Variants in CSNK1E observed in about 807,000 individuals in gnomAD.
CSNK1E encodes the protein casein kinase I isoform epsilon.
In CSNK1E, 17 loss-of-function variants were observed where a neutral mutation model predicts 46.1. That is an observed-to-expected ratio of 0.37 (90% CI 0.25 to 0.55). The LOEUF (loss-of-function observed/expected upper bound fraction) is 0.55. Ranked by LOEUF, CSNK1E falls within the 20% of genes least tolerant of loss-of-function variation. CSNK1E has a pLI of 0.82. For missense variants in CSNK1E, 386 were observed against 595.4 expected (o/e 0.65, Z 3.66); for synonymous variants, 241 against 242.6 (o/e 0.99, Z 0.06).
intron 10 of CSNK1E, chr22:38,292,998 G>T (rs2092619411): frequency 1.9e-6 from 1 of 521,726 alleles, no homozygotes; most frequent in Non-Finnish European, 3.4e-6. Context: ...ATAGAGACCT[G>T]GCCGAGGGCA....
Position 38,300,998 on chromosome 22 carries a change from A to C in CSNK1E, c.337-46T>G, listed in dbSNP as rs749642148. 6.5e-7 allele frequency: 1 copy of C among 1,536,842 alleles called. No homozygotes were observed. The highest frequency in any genetic ancestry group is 9.0e-7 in the Non-Finnish European group (1 of 1,111,140). ...TTGTTCAACAGAGGGGCCCTTGCCT[A>C]GCACTCTGGGCCAGGCAGGGGCTGG... On this transcript the variant is annotated intron_variant, in intron 4 of 10. Transcript: ENST00000396832. This position sits in a 1 kb window ranked among gnomAD's most constrained non-coding sequence, Gnocchi z 4.4.
chr22:38,303,220 G>A lies in CSNK1E; in HGVS notation c.105C>T (p.Val35=), dbSNP rs776652748. 3.3e-5 allele frequency: 53 copies of A among 1,608,044 alleles called. No individual in the cohort carries two copies. Among genetic ancestry groups the A allele is most frequent in the East Asian group, 1.3e-4 (6 of 44,850 alleles). The stretch of plus-strand genomic sequence containing the variant: ...TCTTCACACACTCCAGCTTGATGGC[G>A]ACTTCCTCACCAGAGGCGATGTTGG... ...LGANIASGEE[V]AIKLECVKTK... Residue 35 remains valine, a synonymous_variant, in exon 3 of 11, where the codon GTC becomes GTT. Coordinates refer to ENST00000396832, the MANE Select transcript of CSNK1E (RefSeq NM_152221.3). This position sits in a 1 kb window ranked among gnomAD's most constrained non-coding sequence, Gnocchi z 4.7.
At chr22:38,295,348 G>C in intron 7 of CSNK1E, 1 of 897,774 alleles carries the variant, frequency 1.1e-6, no homozygotes, top group Non-Finnish European at 1.3e-6. Flanking sequence ...GAAGGGGCCA[G>C]AGAAGAGCAT....
At position 38,298,515 on chromosome 22, in the gene CSNK1E, G is replaced by A. The variant is rs959904727; in HGVS notation, c.885+271C>T. ...GCCAGCACCACCCATGCCCTGCTGC[G>A]GGCACCCAGGAGGGACCCCAGGTGA... On this transcript the variant is annotated intron_variant, in intron 7 of 10. Coordinates refer to ENST00000396832, the MANE Select transcript of CSNK1E (RefSeq NM_152221.3). The surrounding 1 kb of genome is among the most constrained non-coding windows in gnomAD (Gnocchi z 4.2). The A allele has an allele frequency of 2.0e-5, 9 of 458,830 alleles. No individual in the cohort carries two copies. Among genetic ancestry groups the A allele is most frequent in the Non-Finnish European group, 2.4e-5 (6 of 248,548 alleles). 28.4% of individuals were successfully genotyped at this position (458,830 alleles called of 1,614,324 possible). A position where few individuals can be genotyped will look rare whatever the true frequency, so the allele number is the denominator to read the frequency against.
rs2092711128 is a variant in CSNK1E at position 38,309,263 on chromosome 22, A to G, written c.76+4819T>C. On this transcript the variant is annotated intron_variant, in intron 2 of 10. Coordinates refer to ENST00000396832, the MANE Select transcript of CSNK1E (RefSeq NM_152221.3). The surrounding 1 kb of genome is among the most constrained non-coding windows in gnomAD (Gnocchi z 4.8). ...AAGGCCTGGGAAGGCCACTACAGAG[A>G]CCAGGCAAGAGCTGACGGTGGCCCT... Among the ~76,000 whole-genome samples the G allele has an allele frequency of 6.6e-6, 1 of 152,178 alleles. No individual in the cohort carries two copies.
intron 1 of CSNK1E, chr22:38,316,950 A>T (rs1190778630): frequency 6.6e-6 from 1 of 151,592 alleles, no homozygotes; most frequent in Non-Finnish European, 1.5e-5. Context: ...CTGCAAAATA[A>T]CAGGCCCCCT....
At chr22:38,295,877 C>T (rs746898878) in intron 7 of CSNK1E, among the ~76,000 whole-genome samples, 2 of 152,252 alleles carry the variant, frequency 1.3e-5, no homozygotes, top group Non-Finnish European at 2.9e-5. Context: ...GGCTCCCACT[C>T]GGTTGCAGGC....
chr22:38,301,242 C>G (rs1209983551), intron 4 of CSNK1E, among the ~76,000 whole-genome samples: 1 of 152,172 alleles, frequency 6.6e-6, no homozygotes, highest in Non-Finnish European at 1.5e-5. Context: ...GCAACTGGTT[C>G]CCCATGGAAG....
At position 38,294,309 on chromosome 22, in the gene CSNK1E, TGAACCCAGCCC is replaced by T; in HGVS notation, c.1078+22_1078+32del. The T allele has an allele frequency of 8.5e-7, 1 of 1,178,230 alleles. No homozygotes were observed. Among genetic ancestry groups the T allele is most frequent in the South Asian group, 1.2e-5 (1 of 82,190 alleles). The allele number at this position is 1,178,230 out of a possible 1,614,324, so 73.0% of individuals were successfully genotyped here. A position where few individuals can be genotyped will look rare whatever the true frequency, so the allele number is the denominator to read the frequency against. ...CACAAACAGAGCCCCCCACCCACCCTGAACCCAGCCCACTGCCTGAGTCCCTGCTCACCAGC... is the reference window on the plus strand; with the variant it reads ...CACAAACAGAGCCCCCCACCCACCCTACTGCCTGAGTCCCTGCTCACCAGC... On this transcript the variant is annotated intron_variant, in intron 8 of 10. Coordinates refer to ENST00000396832, the MANE Select transcript of CSNK1E (RefSeq NM_152221.3). This position sits in a 1 kb window ranked among gnomAD's most constrained non-coding sequence, Gnocchi z 5.5.
In CSNK1E at chr22:38,290,843, G is replaced by A. The variant is rs1354464769; in HGVS notation, c.*1128C>T. 2.2e-5 allele frequency: 3 copies of A among 134,892 alleles called. No individual in the cohort carries two copies. The highest frequency in any genetic ancestry group is 1.6e-5 in the Non-Finnish European group (1 of 63,296). 8.4% of individuals were successfully genotyped at this position (134,892 alleles called of 1,614,324 possible). On this transcript the variant is annotated 3_prime_UTR_variant, in exon 11 of 11. Coordinates refer to ENST00000396832, the MANE Select transcript of CSNK1E (RefSeq NM_152221.3). Reference sequence around the variant, plus strand: ...TTTTTAAATTACAAAGTAATAAAAAGCTTTGCTCTTTAATTAAAAAAAAAA... The same window carrying A: ...TTTTTAAATTACAAAGTAATAAAAAACTTTGCTCTTTAATTAAAAAAAAAA...
rs547567641 is a variant in CSNK1E, at chr22:38,314,277, C to T, written c.-12-108G>A. The T allele has an allele frequency of 2.5e-5, 19 of 774,164 alleles. No individual in the cohort carries two copies. The East Asian group carries it at 4.1e-4, about 17-fold the overall frequency. The allele number at this position is 774,164 out of a possible 1,614,324, so 48.0% of individuals were successfully genotyped here. A position where few individuals can be genotyped will look rare whatever the true frequency, so the allele number is the denominator to read the frequency against. ...CCAGGAACTCGAAAACCTGCATTCT[C>T]GAAGACCACATTCTGCAGGTGTCAG... is the stretch of plus-strand genomic sequence containing the variant. On this transcript the variant is annotated intron_variant, in intron 1 of 10. Transcript: ENST00000396832.
intron 2 of CSNK1E, among the ~76,000 whole-genome samples, chr22:38,308,491 C>T (rs2092707882): frequency 6.6e-6 from 1 of 152,062 alleles, no homozygotes; most frequent in Non-Finnish European, 1.5e-5. Context: ...CTCGGACATC[C>T]CCTGGCCAGG....
chr22:38,296,096 C>T, intron 7 of CSNK1E: 1 of 937,890 alleles, frequency 1.1e-6, no homozygotes, highest in South Asian at 4.9e-5. Context: ...GCTGGAGCCC[C>T]TGCCCTTTGT....
chr22:38,296,113 A>T, intron 7 of CSNK1E: 1 of 972,942 alleles, frequency 1.0e-6, no homozygotes, highest in Non-Finnish European at 1.2e-6. Flanking sequence ...TTGTGAGCCC[A>T]GCAGGCTCAG....
intron 1 of CSNK1E, among the ~76,000 whole-genome samples, chr22:38,314,591 C>T (rs997752612): frequency 9.9e-5 from 15 of 152,262 alleles, no homozygotes; most frequent in African/African-American, 3.1e-4. Flanking sequence ...GTCGCATCCC[C>T]TACTGGGGGG....
rs1304755059 is a variant in CSNK1E at position 38,300,718 on chromosome 22, C to T, written c.565+6G>A. ...GTGCACACTGCTCCAGGCCTGGCTC[C>T]CTCACCAATGCCCAGGTGCGTGTTG... On this transcript the variant is annotated splice_donor_region_variant and intron_variant, in intron 5 of 10. Coordinates refer to ENST00000396832, the MANE Select transcript of CSNK1E (RefSeq NM_152221.3). This position sits in a 1 kb window ranked among gnomAD's most constrained non-coding sequence, Gnocchi z 4.4. The T allele has an allele frequency of 1.4e-5, 22 of 1,613,698 alleles. No individual in the cohort carries two copies. Among genetic ancestry groups the T allele is most frequent in the Middle Eastern group, 1.6e-4 (1 of 6,078 alleles).
intron 2 of CSNK1E, among the ~76,000 whole-genome samples, chr22:38,305,607 A>G (rs1216232279): frequency 2.0e-5 from 3 of 152,238 alleles, no homozygotes; most frequent in Non-Finnish European, 4.4e-5. Flanking sequence ...TCAGCAGAAA[A>G]TAGGCCAAAG....
At chr22:38,305,348 T>C (rs750944644) in intron 2 of CSNK1E, among the ~76,000 whole-genome samples, 2 of 151,604 alleles carry the variant, frequency 1.3e-5, no homozygotes, top group African/African-American at 4.8e-5. Flanking sequence ...CAATGAAATG[T>C]TAGAAGAAGG....
At chr22:38,296,832 T>A in intron 7 of CSNK1E, 1 of 954,234 alleles carries the variant, frequency 1.0e-6, no homozygotes, top group Non-Finnish European at 1.6e-6. Context: ...TGGAGGGCAG[T>A]GGCATGATCT....
Sources: allele counts gnomAD v4.1 joint callset (sites outside exome capture counted in the v4.1 genomes callset), GRCh38; gene constraint gnomAD v4.1.1; non-coding constraint Gnocchi (gnomAD v3.1); transcripts MANE v1.5; gene names NCBI Gene and HGNC (gene_info 2026-07-23, HGNC 2026-07-21).